The following ANKRD7 variants were observed in gnomAD, a reference collection of about 807,000 sequenced individuals.
The protein encoded by ANKRD7 is ankyrin repeat domain 7, also known as ankyrin repeat domain-containing protein 7.
In ANKRD7, 30 loss-of-function variants were observed where a neutral mutation model predicts 30.8. That is an observed-to-expected ratio of 0.97 (90% CI 0.73 to 1.32). The LOEUF is 1.32. Among genes scored for constraint, ANKRD7 ranks in the 40% most tolerant of loss-of-function variants. The pLI, the probability that ANKRD7 is intolerant of heterozygous loss-of-function variation, is 0.00. For synonymous variants in ANKRD7, 97 were observed against 106.6 expected (o/e 0.91, Z 0.55); for missense variants, 264 against 295.7 (o/e 0.89, Z 0.79).
chr7:118,234,646 T>G (rs957066997), intron 2 of ANKRD7, 55 bp from the exon 3 acceptor site: 20 of 1,565,970 alleles, frequency 1.3e-5, no homozygotes, highest in African/African-American at 2.7e-5. Context: ...AAACATTAAT[T>G]TATCATATCC....
intron 1 of ANKRD7, among the ~76,000 whole-genome samples, chr7:118,234,165 G>T (rs1809686383): frequency 2.0e-5 from 3 of 151,920 alleles, no homozygotes; most frequent in Admixed American, 2.0e-4. Context: ...CATCATTTTG[G>T]TATTTTTTAA....
In ANKRD7 at chr7:118,234,705, T is replaced by C. The variant is rs1584724618; in HGVS notation, c.299T>C (p.Val100Ala). The change falls in exon 3 of 7, where the codon GTA becomes GCA. Residue 100 changes from valine (V) to alanine (A), a missense_variant. Coordinates refer to ENST00000265224, the MANE Select transcript of ANKRD7 (RefSeq NM_019644.4). ...SENKSPLIKA[V>A]QCQNEDCATI... ...CTACTCTTGTTGCATTAACAGGCAG[T>C]ACAGTGTCAAAATGAGGATTGTGCT... 6.2e-7 allele frequency: 1 copy of C among 1,607,674 alleles called. No homozygotes were observed. The highest frequency in any genetic ancestry group is 2.2e-5 in the East Asian group (1 of 44,772).
At chr7:118,232,762 A>G (rs1285735149) in intron 1 of ANKRD7, among the ~76,000 whole-genome samples, 1 of 150,618 alleles carries the variant, frequency 6.6e-6, no homozygotes, top group Non-Finnish European at 1.5e-5. Context: ...TTATGCGTTT[A>G]TTTTAAATTA....
At chr7:118,241,694 A>G (rs2116033568) in intron 6 of ANKRD7, among the ~76,000 whole-genome samples, 1 of 151,768 alleles carries the variant, frequency 6.6e-6, no homozygotes, top group African/African-American at 2.4e-5. Flanking sequence ...CTCCACCACC[A>G]TGCCCGACTA....
At chr7:118,232,383 C>T (rs1019052621) in intron 1 of ANKRD7, among the ~76,000 whole-genome samples, 4 of 151,884 alleles carry the variant, frequency 2.6e-5, no homozygotes, top group East Asian at 1.9e-4. Context: ...GCAAGATTGA[C>T]GGTTTGAGTG....
At chr7:118,236,999 T>G in intron 5 of ANKRD7, 73 bp downstream of exon 5, 2 of 1,516,504 alleles carry the variant, frequency 1.3e-6, no homozygotes, top group Non-Finnish European at 1.8e-6. Flanking sequence ...AGCCCCAAAG[T>G]ACAAGGCTGG....
At chr7:118,225,281 G>A (rs1205976960) in intron 1 of ANKRD7, among the ~76,000 whole-genome samples, 1 of 152,140 alleles carries the variant, frequency 6.6e-6, no homozygotes, top group African/African-American at 2.4e-5. Flanking sequence ...GAGGTCAGGA[G>A]TTTGAGACCA....
intron 1 of ANKRD7, among the ~76,000 whole-genome samples, chr7:118,231,157 G>T (rs975416796): frequency 6.6e-6 from 1 of 151,980 alleles, no homozygotes; most frequent in African/African-American, 2.4e-5. Context: ...GCTACTACTC[G>T]ATTAGTGTTT....
At chr7:118,229,805 A>ATG (rs1448738607) in intron 1 of ANKRD7, among the ~76,000 whole-genome samples, 48 of 152,278 alleles carry the variant, frequency 3.2e-4, no homozygotes, top group African/African-American at 1.2e-3. Context: ...AACCAAATCC[A>ATG]GTAGTACATC....
chr7:118,234,656 C>T, intron 2 of ANKRD7, 45 bp from the exon 3 acceptor site: 1 of 1,567,798 alleles, frequency 6.4e-7, no homozygotes, highest in Non-Finnish European at 8.6e-7. Context: ...TTATCATATC[C>T]CAAGTAGTAA....
chr7:118,235,858 C>T (rs571621648), intron 3 of ANKRD7, among the ~76,000 whole-genome samples, 183 bp from the exon 4 acceptor site: 1 of 152,078 alleles, frequency 6.6e-6, no homozygotes, highest in African/African-American at 2.4e-5. Flanking sequence ...ATTTTTTTGT[C>T]TGGCTCAACC....
At chr7:118,237,266 A>G (rs1809746598) in intron 5 of ANKRD7, among the ~76,000 whole-genome samples, 1 of 152,214 alleles carries the variant, frequency 6.6e-6, no homozygotes. Flanking sequence ...TTTAGATATT[A>G]TTAATATATG....
intron 1 of ANKRD7, among the ~76,000 whole-genome samples, chr7:118,228,412 G>C (rs889251927): frequency 1.3e-5 from 2 of 152,144 alleles, no homozygotes; most frequent in African/African-American, 4.8e-5. Context: ...TTAATGGGTA[G>C]GGGAGGGAAA....
intron 4 of ANKRD7, 39 bp from the exon 5 acceptor site, chr7:118,236,751 G>C (rs746964380): frequency 4.4e-6 from 7 of 1,589,604 alleles, no homozygotes; most frequent in South Asian, 3.5e-5. Context: ...GCATGTTTAA[G>C]ATCTTTACAT....
chr7:118,230,310 A>C (rs974284906), intron 1 of ANKRD7, among the ~76,000 whole-genome samples: 2 of 152,042 alleles, frequency 1.3e-5, no homozygotes, highest in African/African-American at 4.8e-5. Context: ...TGGGATGGGC[A>C]TGAGAGTTGA....
rs780083297 is a variant in ANKRD7 at position 118,224,907 on chromosome 7, T to G, written c.77T>G (p.Leu26Ter). Residue 26 changes from leucine (L) to a stop codon, truncating the protein, a stop_gained, in exon 1 of 7, where the codon TTA becomes TGA. Transcript: ENST00000265224. LOFTEE classifies it high-confidence loss of function. ...SQGYNLREKD[L>*]KKLHRAASVG... ...GGCTACAACCTTCGAGAAAAGGATT[T>G]AAAGAAACTTCACAGAGCTGCTTCA... 1.9e-6 allele frequency: 3 copies of G among 1,614,162 alleles called. No individual in the cohort carries two copies. The highest frequency in any genetic ancestry group is 2.5e-6 in the Non-Finnish European group (3 of 1,180,026).
At chr7:118,234,164 G>C (rs143134636) in intron 1 of ANKRD7, among the ~76,000 whole-genome samples, 601 of 151,890 alleles carry the variant, frequency 4.0e-3, no homozygotes, top group African/African-American at 0.013. Flanking sequence ...ACATCATTTT[G>C]GTATTTTTTA....
At chr7:118,234,662 A>C in intron 2 of ANKRD7, 39 bp from the exon 3 acceptor site, 1 of 1,576,834 alleles carries the variant, frequency 6.3e-7, no homozygotes, top group South Asian at 1.2e-5. Context: ...TATCCCAAGT[A>C]GTAAATTGGT....
intron 1 of ANKRD7, among the ~76,000 whole-genome samples, chr7:118,232,963 A>G (rs1347176479): frequency 6.6e-6 from 1 of 152,088 alleles, no homozygotes; most frequent in Non-Finnish European, 1.5e-5. Flanking sequence ...GCCCTGTGTT[A>G]TGTTTGGATT....
Sources: gnomAD v4.1 joint callset for allele counts (sites outside exome capture counted in the v4.1 genomes callset) on GRCh38, gnomAD v4.1.1 for gene constraint, MANE v1.5 for transcripts, NCBI Gene and HGNC (gene_info 2026-07-23, HGNC 2026-07-21) for gene names.